RPS6KA5: variants seen among roughly 807,000 people sequenced by gnomAD.
The protein encoded by RPS6KA5 is ribosomal protein S6 kinase A5, also known as ribosomal protein S6 kinase alpha-5.
Under a neutral mutation model 85.5 loss-of-function variants are expected in RPS6KA5, and 27 were observed. The ratio of observed to expected loss-of-function variants is 0.32; its 90% CI spans 0.23 to 0.44. The LOEUF (loss-of-function observed/expected upper bound fraction) is 0.44. RPS6KA5 is among the 20% of genes least tolerant of loss of function. The pLI is 1.00. For synonymous variants in RPS6KA5, 334 were observed against 348.2 expected (o/e 0.96, Z 0.46); for missense variants, 811 against 980.9 (o/e 0.83, Z 2.31).
chr14:90,903,190 A>T (rs1356259941), intron 8 of RPS6KA5, among the ~76,000 whole-genome samples: 1 of 152,202 alleles, frequency 6.6e-6, no homozygotes. Flanking sequence ...ATCGCTGTTG[A>T]ATCTCAGAGT....
intron 1 of RPS6KA5, among the ~76,000 whole-genome samples, chr14:91,047,075 A>G (rs912849754): frequency 2.0e-5 from 3 of 151,962 alleles, no homozygotes. Context: ...AAGAAGAAGC[A>G]AAACACTGGA....
At chr14:90,889,824 A>G (rs187661851) in intron 14 of RPS6KA5, among the ~76,000 whole-genome samples, 51 of 152,318 alleles carry the variant, frequency 3.3e-4, no homozygotes, top group African/African-American at 1.2e-3. Context: ...AGCTTGAGGT[A>G]TATCACTTCT....
chr14:90,943,958 T>A (rs1214354947), intron 4 of RPS6KA5, among the ~76,000 whole-genome samples: 2 of 152,186 alleles, frequency 1.3e-5, no homozygotes, highest in African/African-American at 4.8e-5. Context: ...GCTAAAGCCA[T>A]CCTCCCACCT....
At chr14:90,987,368 CA>C (rs35174994) in intron 2 of RPS6KA5, among the ~76,000 whole-genome samples, 26,063 of 152,098 alleles carry the variant, frequency 0.17, 2,413 homozygotes, top group East Asian at 0.31. Context: ...ATCATGTCAT[CA>C]AAAAGTAGCA....
At chr14:90,960,001 T>G (rs1166127102) in intron 3 of RPS6KA5, among the ~76,000 whole-genome samples, 1 of 152,160 alleles carries the variant, frequency 6.6e-6, no homozygotes, top group African/African-American at 2.4e-5. Flanking sequence ...ACCACCAACT[T>G]GATCATGCCC....
chr14:90,875,498 T>G lies in RPS6KA5; in HGVS notation c.1837-138A>C. 5.4e-6 allele frequency: 4 copies of G among 734,144 alleles called. 1 individual carries two copies. In the South Asian group the frequency reaches 8.5e-5, roughly 16 times the overall value. 45.5% of individuals were successfully genotyped at this position (734,144 alleles called of 1,614,324 possible). A position where few individuals can be genotyped will look rare whatever the true frequency, so the allele number is the denominator to read the frequency against. Reference sequence around the variant, plus strand: ...GATTGAGTTTAAAAGATTACGTGATTCCTCAGGGATCTAGAACTAGAAATA... The same window carrying G: ...GATTGAGTTTAAAAGATTACGTGATGCCTCAGGGATCTAGAACTAGAAATA... On this transcript the variant is annotated intron_variant, in intron 14 of 16. Coordinates refer to ENST00000614987, the MANE Select transcript of RPS6KA5 (RefSeq NM_004755.4).
chr14:91,058,858 TG>T (rs1306355399), intron 1 of RPS6KA5, among the ~76,000 whole-genome samples: 1 of 152,194 alleles, frequency 6.6e-6, no homozygotes, highest in African/African-American at 2.4e-5. Context: ...ACATCTCTCT[TG>T]AATTAAGTCA....
intron 1 of RPS6KA5, among the ~76,000 whole-genome samples, chr14:91,053,102 C>CA (rs576593677): frequency 6.6e-6 from 1 of 151,622 alleles, no homozygotes; most frequent in African/African-American, 2.4e-5. Context: ...ATGAACAGAA[C>CA]AAAAAAAATG....
At chr14:90,944,706 G>A (rs1234034763) in intron 4 of RPS6KA5, among the ~76,000 whole-genome samples, 2 of 151,436 alleles carry the variant, frequency 1.3e-5, no homozygotes, top group Non-Finnish European at 2.9e-5. Flanking sequence ...GGTGAGCTGA[G>A]ATCGTGCCAC....
At position 90,868,590 on chromosome 14, in the gene RPS6KA5, G is replaced by A. The variant is rs2032908149; in HGVS notation, c.*3484C>T. Reference sequence around the variant, plus strand: ...TCATGCTATTATTATCAGTCACTGGGAGAACAGCCAAAGTAATCAGGCAGT... The same window carrying A: ...TCATGCTATTATTATCAGTCACTGGAAGAACAGCCAAAGTAATCAGGCAGT... On this transcript the variant is annotated 3_prime_UTR_variant, in exon 17 of 17. Coordinates refer to ENST00000614987, the MANE Select transcript of RPS6KA5 (RefSeq NM_004755.4). The A allele has an allele frequency of 6.6e-6, 1 of 152,094 alleles. No individual in the cohort carries two copies. Among genetic ancestry groups the A allele is most frequent in the South Asian group, 2.1e-4 (1 of 4,828 alleles). The allele number at this position is 152,094 out of a possible 1,614,324, so 9.4% of individuals were successfully genotyped here. A position where few individuals can be genotyped will look rare whatever the true frequency, so the allele number is the denominator to read the frequency against.
rs564238879 is a variant in RPS6KA5 at position 91,039,318 on chromosome 14, T to C, written c.103+21014A>G. 3.9e-5 allele frequency among the ~76,000 whole-genome samples: 6 copies of C among 152,224 alleles called. No homozygotes were observed. In the South Asian group the frequency reaches 1.2e-3, roughly 32 times the overall value. Reference sequence around the variant, plus strand: ...CTAGAACCATGGTAGATAATAAATGTCTTAGCCTGGATTCATGAAAGCGAT... The same window carrying C: ...CTAGAACCATGGTAGATAATAAATGCCTTAGCCTGGATTCATGAAAGCGAT... On this transcript the variant is annotated intron_variant, in intron 1 of 16. Transcript: ENST00000614987.
chr14:90,874,529 AAT>A (rs1324539846), intron 15 of RPS6KA5, among the ~76,000 whole-genome samples: 1 of 152,174 alleles, frequency 6.6e-6, no homozygotes, highest in East Asian at 1.9e-4. Context: ...AGGGGCTTTG[AAT>A]GTTAAATGCT....
chr14:90,912,099 ATTC>A (rs1314179915), intron 7 of RPS6KA5, among the ~76,000 whole-genome samples: 1 of 152,100 alleles, frequency 6.6e-6, no homozygotes, highest in Non-Finnish European at 1.5e-5. Flanking sequence ...CTCCCCCAGC[ATTC>A]TTCTTACCTA....
Position 90,867,726 on chromosome 14 carries a change from C to T in RPS6KA5, c.*4348G>A, listed in dbSNP as rs1338981557. ...TGGAAAAGAAATGACTGCCAATAAA[C>T]ATTTCCTATTTTGCACTAGGGTGAA... On this transcript the variant is annotated 3_prime_UTR_variant, in exon 17 of 17. Coordinates refer to ENST00000614987, the MANE Select transcript of RPS6KA5 (RefSeq NM_004755.4). 2.0e-5 allele frequency: 3 copies of T among 152,170 alleles called. No homozygotes were observed. Among genetic ancestry groups the T allele is most frequent in the Non-Finnish European group, 4.4e-5 (3 of 68,012 alleles). 9.4% of individuals were successfully genotyped at this position (152,170 alleles called of 1,614,324 possible).
At position 91,060,590 on chromosome 14, in the gene RPS6KA5, G is replaced by T; in HGVS notation, c.-156C>A. 9.8e-7 allele frequency: 1 copy of T among 1,019,934 alleles called. No individual in the cohort carries two copies. The highest frequency in any genetic ancestry group is 1.3e-6 in the Non-Finnish European group (1 of 793,056). 63.2% of individuals were successfully genotyped at this position (1,019,934 alleles called of 1,614,324 possible). ...GACGAGTCTCTTTCCCGCTCTGGCC[G>T]CACGGCTCGCTCCTCGCCTCCTCCC... On this transcript the variant is annotated 5_prime_UTR_variant, in exon 1 of 17. Coordinates refer to ENST00000614987, the MANE Select transcript of RPS6KA5 (RefSeq NM_004755.4).
chr14:90,920,598 GAT>G (rs2036355580), intron 6 of RPS6KA5, among the ~76,000 whole-genome samples: 3 of 151,436 alleles, frequency 2.0e-5, no homozygotes, highest in Admixed American at 6.6e-5. Flanking sequence ...TTAAGTAGGT[GAT>G]ATTTCTTTGG....
chr14:91,026,747 T>C (rs1225868655), intron 1 of RPS6KA5, among the ~76,000 whole-genome samples: 2 of 152,218 alleles, frequency 1.3e-5, no homozygotes, highest in Non-Finnish European at 2.9e-5. Context: ...TTCTCATCAA[T>C]AGTGTGTAAG....
chr14:90,879,845 C>T (rs987612724), intron 14 of RPS6KA5, among the ~76,000 whole-genome samples: 11 of 148,508 alleles, frequency 7.4e-5, no homozygotes, highest in African/African-American at 2.3e-4. Context: ...TGCAGTGGCA[C>T]GATCTTCGGC....
At chr14:90,987,964 A>T (rs2040129583) in intron 2 of RPS6KA5, among the ~76,000 whole-genome samples, 1 of 151,824 alleles carries the variant, frequency 6.6e-6, no homozygotes, top group African/African-American at 2.4e-5. Flanking sequence ...GTGTGTGTGT[A>T]TAACATATAC....
Sources: gnomAD v4.1 joint callset for allele counts (sites outside exome capture counted in the v4.1 genomes callset) on GRCh38, gnomAD v4.1.1 for gene constraint, MANE v1.5 for transcripts, NCBI Gene and HGNC (gene_info 2026-07-23, HGNC 2026-07-21) for gene names.